TBC1D32: variants seen among roughly 807,000 people sequenced by gnomAD.
The protein encoded by TBC1D32 is TBC1 domain family member 32.
Under a neutral mutation model 170.3 loss-of-function variants are expected in TBC1D32, and 151 were observed. That is an observed-to-expected ratio of 0.89 (90% CI 0.78 to 1.01). The LOEUF (loss-of-function observed/expected upper bound fraction) is 1.01. Ranked by LOEUF, TBC1D32 falls within the 50% of genes least tolerant of loss-of-function variation. The pLI is 0.00. For synonymous variants in TBC1D32, 498 were observed against 488.0 expected (o/e 1.02, Z -0.27); for missense variants, 1,464 against 1,457.1 (o/e 1.00, Z -0.08).
At chr6:121,312,237 A>T (rs1171387730) in intron 3 of TBC1D32, among the ~76,000 whole-genome samples, 1 of 152,160 alleles carries the variant, frequency 6.6e-6, no homozygotes, top group African/African-American at 2.4e-5. Context: ...ACAAATACCA[A>T]ATGCATGCAG....
intron 22 of TBC1D32, among the ~76,000 whole-genome samples, chr6:121,198,842 C>T (rs1299933991): frequency 6.6e-6 from 1 of 151,130 alleles, no homozygotes; most frequent in Non-Finnish European, 1.5e-5. Flanking sequence ...GGAGACAATT[C>T]AAATTGAAAG....
intron 21 of TBC1D32, among the ~76,000 whole-genome samples, chr6:121,211,044 A>G (rs1449421855): frequency 6.6e-6 from 1 of 152,238 alleles, no homozygotes; most frequent in Non-Finnish European, 1.5e-5. Context: ...TTAATTTTGG[A>G]ATCATTTATA....
chr6:121,328,590 T>A (rs1224800528), intron 1 of TBC1D32, among the ~76,000 whole-genome samples: 1 of 152,050 alleles, frequency 6.6e-6, no homozygotes, highest in Non-Finnish European at 1.5e-5. Flanking sequence ...GGCCTCTAGT[T>A]TTTTAAGATA....
At chr6:121,170,398 T>C (rs1786805041) in intron 22 of TBC1D32, 1 of 1,597,236 alleles carries the variant, frequency 6.3e-7, no homozygotes. Context: ...TAATCACCCA[T>C]TTTTACCTGT....
At chr6:121,331,452 T>C (rs1257027040) in intron 1 of TBC1D32, among the ~76,000 whole-genome samples, 2 of 151,810 alleles carry the variant, frequency 1.3e-5, no homozygotes, top group South Asian at 4.2e-4. Context: ...ACTCCTGAAC[T>C]CAAGTGATTC....
chr6:121,274,236 G>A lies in TBC1D32; in HGVS notation c.1733+4885C>T, dbSNP rs576802212. ...TAGTCCCAGCTACTCGGGAGGCTGA[G>A]GCAAAAGAATTGCTTGAACCCAGGA... On this transcript the variant is annotated intron_variant, in intron 15 of 31. Transcript: ENST00000398212. Among the ~76,000 whole-genome samples, 196 of 152,084 alleles carry A rather than the reference G, an allele frequency of 1.3e-3. 1 individual carries two copies. The highest frequency in any genetic ancestry group is 4.4e-3 in the African/African-American group (184 of 41,494).
chr6:121,325,106 G>A (rs1259762936), intron 1 of TBC1D32, among the ~76,000 whole-genome samples: 1 of 151,918 alleles, frequency 6.6e-6, no homozygotes, highest in Non-Finnish European at 1.5e-5. Flanking sequence ...CAGCTACTTG[G>A]GAGGCTGAGG....
chr6:121,144,410 G>T (rs2128228051), intron 24 of TBC1D32, among the ~76,000 whole-genome samples: 1 of 152,216 alleles, frequency 6.6e-6, no homozygotes, highest in East Asian at 1.9e-4. Flanking sequence ...AAATGTGAGT[G>T]GTAGTAGATG....
At chr6:121,242,459 G>T in intron 17 of TBC1D32, 120 bp from the exon 18 acceptor site, 1 of 868,018 alleles carries the variant, frequency 1.2e-6, no homozygotes, top group Non-Finnish European at 1.7e-6. Context: ...TATATTGGTT[G>T]CAAATTAATC....
intron 15 of TBC1D32, among the ~76,000 whole-genome samples, chr6:121,267,632 A>T (rs902807459): frequency 6.6e-6 from 1 of 152,026 alleles, no homozygotes; most frequent in Non-Finnish European, 1.5e-5. Context: ...CTTGAACTGG[A>T]GCCCACCGTA....
Position 121,160,906 on chromosome 6 carries a change from T to C in TBC1D32, c.2679+42A>G, listed in dbSNP as rs6938708. The stretch of plus-strand genomic sequence containing the variant: ...GAGTTGGCTATCTTGCTTCAAAATA[T>C]GTCAGAAAAACACATCCCACTTCTC... On this transcript the variant is annotated intron_variant, in intron 23 of 31. Transcript: ENST00000398212. 10,179 of 1,515,854 alleles carry C rather than the reference T, an allele frequency of 6.7e-3. 481 individuals carry two copies. The African/African-American group carries it at 0.11, about 17-fold the overall frequency. 93.9% of individuals were successfully genotyped at this position (1,515,854 alleles called of 1,614,324 possible). A position where few individuals can be genotyped will look rare whatever the true frequency, so the allele number is the denominator to read the frequency against.
rs149276468 is a variant in TBC1D32, at chr6:121,182,188, C to A, written c.2571-21132G>T. On this transcript the variant is annotated intron_variant, in intron 22 of 31. Transcript: ENST00000398212. ...AGGGAAGGGACAGAGTCATGACCAA[C>A]AAATGCAAATAGTACTTGCAAATTC... is the stretch of plus-strand genomic sequence containing the variant. 2.4e-3 allele frequency among the ~76,000 whole-genome samples: 372 copies of A among 152,018 alleles called. 3 individuals are homozygous for A. Among genetic ancestry groups the A allele is most frequent in the African/African-American group, 8.9e-3 (368 of 41,504 alleles).
chr6:121,158,786 G>A (rs1397731411), intron 24 of TBC1D32, among the ~76,000 whole-genome samples: 1 of 152,182 alleles, frequency 6.6e-6, no homozygotes, highest in Non-Finnish European at 1.5e-5. Context: ...CTTCTATCCA[G>A]TAGGTAGAGT....
chr6:121,305,065 C>T (rs1807124079), intron 5 of TBC1D32, among the ~76,000 whole-genome samples: 2 of 151,998 alleles, frequency 1.3e-5, no homozygotes, highest in Admixed American at 6.6e-5. Flanking sequence ...CTGCACAATC[C>T]GGTCATAGTA....
chr6:121,283,925 T>G lies in TBC1D32; in HGVS notation c.1373-15A>C. ...GGATACCAAACCTTTAAAAAGAAAA[T>G]AAAGAGAAAATTAATTTCTAGCATA... On this transcript the variant is annotated splice_polypyrimidine_tract_variant and intron_variant, in intron 12 of 31. Coordinates refer to ENST00000398212, the MANE Select transcript of TBC1D32 (RefSeq NM_152730.6). 1 of 1,534,998 alleles carries G rather than the reference T, an allele frequency of 6.5e-7. No homozygotes were observed. Among genetic ancestry groups the G allele is most frequent in the South Asian group, 1.2e-5 (1 of 86,230 alleles).
intron 2 of TBC1D32, among the ~76,000 whole-genome samples, chr6:121,318,191 C>T (rs1489384104): frequency 1.3e-5 from 2 of 152,054 alleles, no homozygotes. Flanking sequence ...AAGAGTTAAG[C>T]TATCAACGTG....
At chr6:121,281,731 TAGAAC>T in intron 13 of TBC1D32, 45 bp from the exon 14 acceptor site, 1 of 1,453,514 alleles carries the variant, frequency 6.9e-7, no homozygotes, top group African/African-American at 1.5e-5. Flanking sequence ...ATTAAATACT[TAGAAC>T]TATTTTATGT....
chr6:121,272,559 A>ATAC (rs1801614656), intron 15 of TBC1D32, among the ~76,000 whole-genome samples: 1 of 152,174 alleles, frequency 6.6e-6, no homozygotes, highest in South Asian at 2.1e-4. Flanking sequence ...CCACAATGAG[A>ATAC]TACCATCTCA....
chr6:121,107,233 C>G (rs1368930394), intron 29 of TBC1D32, among the ~76,000 whole-genome samples: 1 of 151,598 alleles, frequency 6.6e-6, no homozygotes, highest in Non-Finnish European at 1.5e-5. Context: ...TTATGTAAAG[C>G]CTTATTGCTA....
Sources: allele counts gnomAD v4.1 joint callset (sites outside exome capture counted in the v4.1 genomes callset), GRCh38; gene constraint gnomAD v4.1.1; transcripts MANE v1.5; gene names NCBI Gene and HGNC (gene_info 2026-07-23, HGNC 2026-07-21).